FBXO38: variants seen among roughly 807,000 people sequenced by gnomAD.
FBXO38 encodes F-box protein 38, also known as F-box only protein 38.
In FBXO38, 53 loss-of-function variants were observed where a neutral mutation model predicts 131.9. The observed-to-expected ratio is 0.40, with a 90% CI of 0.32 to 0.51. The LOEUF (loss-of-function observed/expected upper bound fraction) is 0.51. FBXO38 is among the 20% of genes least tolerant of loss of function. The probability of loss-of-function intolerance (pLI) is 0.53; values close to 1 mark genes in which losing one functional copy is unlikely to be tolerated. For synonymous variants in FBXO38, 452 were observed against 505.6 expected, an observed-to-expected ratio of 0.89 and a Z score of 1.42; for missense variants, 1,076 against 1,475.6, an observed-to-expected ratio of 0.73 and a Z score of 4.44.
rs781235057 is a variant in FBXO38 at position 148,438,503 on chromosome 5, C to T, written c.3024+5C>T. The T allele has an allele frequency of 2.4e-5, 39 of 1,607,332 alleles. No individual in the cohort carries two copies. The highest frequency in any genetic ancestry group is 1.3e-4 in the East Asian group (6 of 44,768). The stretch of plus-strand genomic sequence containing the variant: ...TACCTACGCCCAATGCAGCAGGTAA[C>T]GAGCTTTGCTTCTTTCCGATGATAC... On this transcript the variant is annotated splice_donor_5th_base_variant and intron_variant, in intron 18 of 21. Transcript: ENST00000340253.
At position 148,394,780 on chromosome 5, in the gene FBXO38, G is replaced by A. The variant is rs1272218730; in HGVS notation, c.4G>A (p.Gly2Arg). 26 of 1,565,054 alleles carry A rather than the reference G, an allele frequency of 1.7e-5. No individual in the cohort carries two copies. Among genetic ancestry groups the A allele is most frequent in the Admixed American group, 3.8e-5 (2 of 52,374 alleles). The change falls in exon 2 of 22, where the codon GGG (glycine) becomes AGG (arginine). Residue 2 changes from glycine to arginine, a missense_variant. Around this residue, in one of 8 missense-constraint regions of FBXO38, gnomAD observed 58 missense variants for 53.1 expected, o/e 1.09. Coordinates refer to ENST00000340253, the MANE Select transcript of FBXO38 (RefSeq NM_205836.3). M[G>R]PRKKSVKTCI... Reference sequence around the variant, plus strand: ...TGATACTGGAGACTGCACAACAATGGGGCCACGAAAGAAAAGTGTGAAAAC... The same window carrying A: ...TGATACTGGAGACTGCACAACAATGAGGCCACGAAAGAAAAGTGTGAAAAC...
chr5:148,408,442 GTT>G (rs1478438627), intron 7 of FBXO38, among the ~76,000 whole-genome samples: 1 of 152,196 alleles, frequency 6.6e-6, no homozygotes, highest in Non-Finnish European at 1.5e-5. Flanking sequence ...TAGAAGCACT[GTT>G]TCTAATCATC....
At chr5:148,419,243 C>G (rs145417752) in intron 12 of FBXO38, among the ~76,000 whole-genome samples, 68 of 152,300 alleles carry the variant, frequency 4.5e-4, no homozygotes, top group African/African-American at 1.6e-3. Context: ...GCAATGGCTG[C>G]ATTTGTAGAG....
intron 17 of FBXO38, among the ~76,000 whole-genome samples, chr5:148,435,911 G>T (rs1364810503): frequency 6.6e-6 from 1 of 152,188 alleles, no homozygotes; most frequent in Non-Finnish European, 1.5e-5. Context: ...GAAAGGGAGA[G>T]AGACAGGGGA....
chr5:148,399,221 A>C, intron 3 of FBXO38, 89 bp downstream of exon 3: 2 of 1,447,256 alleles, frequency 1.4e-6, no homozygotes, highest in South Asian at 2.5e-5. Context: ...TGTCTTGAGA[A>C]AGGCAATCTA....
At chr5:148,405,004 G>A (rs1437022032) in intron 6 of FBXO38, among the ~76,000 whole-genome samples, 182 bp downstream of exon 6, 6 of 144,436 alleles carry the variant, frequency 4.2e-5, no homozygotes, top group Admixed American at 2.8e-4. Flanking sequence ...GATGATTTGT[G>A]TTTGACCTCA....
At position 148,409,213 on chromosome 5, in the gene FBXO38, C is replaced by A; in HGVS notation, c.958C>A (p.Arg320Ser). Residue 320 changes from arginine (R) to serine (S), a missense_variant, in exon 8 of 22, where the codon CGT becomes AGT. Coordinates refer to ENST00000340253, the MANE Select transcript of FBXO38 (RefSeq NM_205836.3). The part of the protein sequence containing the change: ...DLGYLIITAA[R>S]RLHEVRIQPS... ...TGGTTACCTCATCATTACTGCTGCC[C>A]GTAGGTATGTTTCCTCTTTGTATTG... The A allele has an allele frequency of 6.3e-7, 1 of 1,583,530 alleles. No homozygotes were observed. The highest frequency in any genetic ancestry group is 8.7e-7 in the Non-Finnish European group (1 of 1,152,404).
intron 2 of FBXO38, among the ~76,000 whole-genome samples, chr5:148,395,555 A>G (rs1758438456): frequency 6.6e-6 from 1 of 152,114 alleles, no homozygotes; most frequent in Admixed American, 6.5e-5. Flanking sequence ...TATATAATTC[A>G]AATAAGCAAA....
chr5:148,390,215 T>TTTG, intron 1 of FBXO38, among the ~76,000 whole-genome samples: 1 of 152,180 alleles, frequency 6.6e-6, no homozygotes, highest in Middle Eastern at 3.4e-3. Context: ...CTGAAGCAAC[T>TTTG]TTGTTGTCCT....
chr5:148,441,749 G>T (rs1754696733), intron 21 of FBXO38, among the ~76,000 whole-genome samples: 1 of 152,188 alleles, frequency 6.6e-6, no homozygotes, highest in Admixed American at 6.5e-5. Context: ...TGTCTGACTT[G>T]CCTTTGGTGC....
chr5:148,425,771 T>G, intron 14 of FBXO38, 70 bp downstream of exon 14: 1 of 1,356,340 alleles, frequency 7.4e-7, no homozygotes, highest in Non-Finnish European at 1.0e-6. Flanking sequence ...GGCCTTAATA[T>G]GACAACTTGG....
At position 148,427,835 on chromosome 5, in the gene FBXO38, G is replaced by A. The variant is rs772249727; in HGVS notation, c.2541G>A (p.Arg847=). The A allele has an allele frequency of 1.9e-6, 3 of 1,602,680 alleles. No individual in the cohort carries two copies. The East Asian group carries it at 6.7e-5, about 36-fold the overall frequency. Reference sequence around the variant, plus strand: ...CTGGGGCTACAGGTGAGGACAGGAGGGGGAGCTCCCAGCCTGAGAGTTGTG... The same window carrying A: ...CTGGGGCTACAGGTGAGGACAGGAGAGGGAGCTCCCAGCCTGAGAGTTGTG... ...SGSGATGEDR[R]GSSQPESCDV... is the part of the protein sequence containing the mutation. The change falls in exon 15 of 22, where the codon AGG becomes AGA. Residue 847 remains arginine, a synonymous_variant. Transcript: ENST00000340253.
intron 15 of FBXO38, 30 bp downstream of exon 15, chr5:148,427,977 G>T (rs1308382928): frequency 6.8e-7 from 1 of 1,462,192 alleles, no homozygotes; most frequent in African/African-American, 1.4e-5. Context: ...ATTAGCAACT[G>T]CAGGGTAGGG....
Position 148,433,413 on chromosome 5 carries a change from GC to G in FBXO38, c.2654-9del. 6.3e-7 allele frequency: 1 copy of G among 1,580,084 alleles called. No individual in the cohort carries two copies. The highest frequency in any genetic ancestry group is 8.6e-7 in the Non-Finnish European group (1 of 1,163,636). On this transcript the variant is annotated splice_polypyrimidine_tract_variant and intron_variant, in intron 15 of 21. Transcript: ENST00000340253. ...TAAAATTTGGATTTTCTTTTTTTTT[GC>G]CTTTTTTAGAAGTAGCCAAAACAAA...
At chr5:148,412,047 A>C (rs1257982076) in intron 9 of FBXO38, among the ~76,000 whole-genome samples, 1 of 152,208 alleles carries the variant, frequency 6.6e-6, no homozygotes, top group South Asian at 2.1e-4. Context: ...TTCATAACCA[A>C]TTATTTTCCT....
At chr5:148,390,325 G>T (rs950722557) in intron 1 of FBXO38, among the ~76,000 whole-genome samples, 1 of 152,148 alleles carries the variant, frequency 6.6e-6, no homozygotes, top group Non-Finnish European at 1.5e-5. Context: ...TTGGACTTGA[G>T]AAGGCTGCTA....
chr5:148,386,099 A>G (rs569947558), intron 1 of FBXO38, among the ~76,000 whole-genome samples: 2 of 152,158 alleles, frequency 1.3e-5, no homozygotes, highest in Non-Finnish European at 2.9e-5. Flanking sequence ...AATATACCAA[A>G]GGTGGCCATA....
intron 10 of FBXO38, among the ~76,000 whole-genome samples, chr5:148,415,095 G>A (rs895123014): frequency 3.9e-5 from 6 of 152,118 alleles, no homozygotes; most frequent in African/African-American, 1.4e-4. Flanking sequence ...CATGTCTCAT[G>A]TGCCAGCAGC....
Position 148,441,908 on chromosome 5 carries a change from G to A in FBXO38, c.3389-61G>A, listed in dbSNP as rs1754705513. The A allele has an allele frequency of 2.1e-6, 3 of 1,463,262 alleles. No homozygotes were observed. In the South Asian group the frequency reaches 3.8e-5, roughly 19 times the overall value. 90.6% of individuals were successfully genotyped at this position (1,463,262 alleles called of 1,614,324 possible). A position where few individuals can be genotyped will look rare whatever the true frequency, so the allele number is the denominator to read the frequency against. ...GACTGTCCTATGGACCAGCTTATCA[G>A]TGATTTTCCAAATGATTCTGATTAT... On this transcript the variant is annotated intron_variant, in intron 21 of 21. Transcript: ENST00000340253.
Sources: gnomAD v4.1 joint callset for allele counts (sites outside exome capture counted in the v4.1 genomes callset) on GRCh38, gnomAD v4.1.1 for gene constraint, gnomAD v4.1.1 regional missense constraint, MANE v1.5 for transcripts, NCBI Gene and HGNC (gene_info 2026-07-23, HGNC 2026-07-21) for gene names.